Variants in NAV2 observed in about 807,000 individuals in gnomAD.
The protein encoded by NAV2 is neuron navigator 2.
In NAV2, 54 loss-of-function variants were observed where a neutral mutation model predicts 223.2. The ratio of observed to expected loss-of-function variants is 0.24; its 90% CI spans 0.19 to 0.30. The LOEUF (loss-of-function observed/expected upper bound fraction) is 0.30. Ranked by LOEUF, NAV2 falls within the 10% of genes least tolerant of loss-of-function variation. The pLI is 1.00. For synonymous variants in NAV2, 1,279 were observed against 1,239.3 expected (o/e 1.03, Z -0.67); for missense variants, 2,806 against 3,147.5 (o/e 0.89, Z 2.60).
At chr11:20,084,018 G>A (rs1404238028) in intron 26 of NAV2, among the ~76,000 whole-genome samples, 2 of 152,242 alleles carry the variant, frequency 1.3e-5, no homozygotes, top group African/African-American at 4.8e-5. Flanking sequence ...CCAGAGGCCA[G>A]ATCTTTGTAG....
chr11:20,045,774 AG>A, intron 14 of NAV2, 104 bp downstream of exon 14: 5 of 947,018 alleles, frequency 5.3e-6, no homozygotes, highest in Non-Finnish European at 7.7e-6. Context: ...TCTCCACTTT[AG>A]TCCTCCAGTA....
intron 1 of NAV2, among the ~76,000 whole-genome samples, chr11:19,675,512 G>A (rs1308574102): frequency 6.6e-6 from 1 of 152,144 alleles, no homozygotes; most frequent in Non-Finnish European, 1.5e-5. Flanking sequence ...CTCCTTCACT[G>A]TCTGTGAGCT....
At chr11:19,908,757 C>T (rs1011689169) in intron 6 of NAV2, among the ~76,000 whole-genome samples, 1 of 152,120 alleles carries the variant, frequency 6.6e-6, no homozygotes, top group African/African-American at 2.4e-5. Context: ...AAATGTCATT[C>T]TAGACACAAA....
At chr11:19,779,115 CA>C (rs1351274442) in intron 1 of NAV2, among the ~76,000 whole-genome samples, 1 of 152,148 alleles carries the variant, frequency 6.6e-6, no homozygotes, top group African/African-American at 2.4e-5. Context: ...CAACAAGGGT[CA>C]GGGGTCAGCC....
At chr11:19,625,342 A>G (rs1041330201) in intron 1 of NAV2, among the ~76,000 whole-genome samples, 3 of 152,128 alleles carry the variant, frequency 2.0e-5, no homozygotes, top group Admixed American at 6.5e-5. Flanking sequence ...CACTTGACAT[A>G]CTGTCCTCCA....
chr11:19,628,550 G>A (rs11025202), intron 1 of NAV2, among the ~76,000 whole-genome samples: 19,606 of 152,090 alleles, frequency 0.13, 3,512 homozygotes, highest in African/African-American at 0.4. Context: ...ATGCATCCAC[G>A]CTCACGTGGC....
intron 4 of NAV2, among the ~76,000 whole-genome samples, chr11:19,874,666 C>T (rs1160279428): frequency 6.6e-6 from 1 of 152,088 alleles, no homozygotes; most frequent in East Asian, 1.9e-4. Flanking sequence ...TATAGACCAC[C>T]CATGGTAGAA....
intron 1 of NAV2, among the ~76,000 whole-genome samples, chr11:19,512,175 CTCTGAGGGGTGGAAAGAGGGGAGGG>C (rs951243146): frequency 2.0e-5 from 3 of 152,074 alleles, no homozygotes; most frequent in Admixed American, 2.0e-4. Context: ...TCTGTTGGGA[CTCTGAGGGGTGGAAAGAGGGGAGGG>C]TCTGATCAAC....
At chr11:19,901,010 C>CA (rs1186333735) in intron 6 of NAV2, among the ~76,000 whole-genome samples, 8 of 152,194 alleles carry the variant, frequency 5.3e-5, no homozygotes, top group Non-Finnish European at 1.5e-5. Flanking sequence ...CATTCTTTCT[C>CA]ATTTTTTGCA....
At position 19,713,984 on chromosome 11, in the gene NAV2, G is replaced by C; in HGVS notation, c.267+22G>C. 6.2e-7 allele frequency: 1 copy of C among 1,611,934 alleles called. No individual in the cohort carries two copies. Among genetic ancestry groups the C allele is most frequent in the Non-Finnish European group, 8.5e-7 (1 of 1,179,426 alleles). On this transcript the variant is annotated intron_variant, in intron 1 of 37. Transcript: ENST00000349880. The surrounding 1 kb of genome is among the most constrained non-coding windows in gnomAD (Gnocchi z 7.2). ...CCAGGTGAGAGATGCCGTTTGCCGG[G>C]GTACTGTTCTGGAAGGATGGATGAA...
At chr11:19,942,152 G>T (rs1403332011) in intron 8 of NAV2, among the ~76,000 whole-genome samples, 2 of 152,192 alleles carry the variant, frequency 1.3e-5, no homozygotes, top group Non-Finnish European at 2.9e-5. Context: ...GTTTCCACTG[G>T]AGCTCGATTG....
chr11:19,728,227 T>C (rs2051412209), intron 1 of NAV2, among the ~76,000 whole-genome samples: 2 of 152,258 alleles, frequency 1.3e-5, no homozygotes, highest in South Asian at 2.1e-4. Flanking sequence ...GAAAGAGCAC[T>C]GTTCTTAGAG....
At position 19,576,119 on chromosome 11, in the gene NAV2, C is replaced by G. The variant is rs150649721; in HGVS notation, c.75+225092C>G. On this transcript the variant is annotated intron_variant, in intron 1 of 37. Transcript: ENST00000360655. ...AGGCCTAAGTGCCCTTTGCACACAGCCATTTGTGGAATGGGTCCTCCTCTG... is the reference window on the plus strand; with the variant it reads ...AGGCCTAAGTGCCCTTTGCACACAGGCATTTGTGGAATGGGTCCTCCTCTG... Among the ~76,000 whole-genome samples the G allele has an allele frequency of 1.8e-3, 272 of 152,042 alleles. 1 individual carries two copies. Among genetic ancestry groups the G allele is most frequent in the African/African-American group, 6.2e-3 (258 of 41,438 alleles).
intron 11 of NAV2, among the ~76,000 whole-genome samples, chr11:20,023,699 GGTGTGTGTGTGTGTGT>G (rs374769800): frequency 3.5e-5 from 5 of 144,572 alleles, no homozygotes; most frequent in East Asian, 2.1e-4. Flanking sequence ...CAAATTGCTG[GGTGTGTGTGTGTGTGT>G]GTGTGTGTGT....
chr11:19,944,729 C>T (rs1218446975), intron 8 of NAV2, among the ~76,000 whole-genome samples: 1 of 139,646 alleles, frequency 7.2e-6, no homozygotes, highest in Non-Finnish European at 1.5e-5. Context: ...TCCTTCCTTC[C>T]TTTCTGTCTC....
At chr11:19,709,061 C>T (rs556359139), upstream of NAV2, among the ~76,000 whole-genome samples, 76 of 152,160 alleles carry the variant, frequency 5.0e-4, no homozygotes, top group Admixed American at 9.2e-4. Flanking sequence ...AACACAGTAT[C>T]AGTGTGGAAG....
At chr11:19,614,040 GC>G (rs1447066080) in intron 1 of NAV2, among the ~76,000 whole-genome samples, 1 of 152,220 alleles carries the variant, frequency 6.6e-6, no homozygotes, top group East Asian at 1.9e-4. Flanking sequence ...TTCCTTCAGG[GC>G]CCCTTTCATG....
intron 10 of NAV2, among the ~76,000 whole-genome samples, chr11:19,966,259 C>T (rs747178143): frequency 3.9e-5 from 6 of 152,132 alleles, no homozygotes; most frequent in Admixed American, 6.5e-5. Flanking sequence ...TCATCTGTGG[C>T]GAATACAGTT....
At chr11:19,860,429 G>A (rs540753504) in intron 3 of NAV2, among the ~76,000 whole-genome samples, 1 of 146,920 alleles carries the variant, frequency 6.8e-6, no homozygotes, top group East Asian at 2.0e-4. Flanking sequence ...CATCTCAGAC[G>A]ATGGGTGGCC....
Sources: gnomAD v4.1 joint callset for allele counts (sites outside exome capture counted in the v4.1 genomes callset) on GRCh38, gnomAD v4.1.1 for gene constraint, Gnocchi (gnomAD v3.1) non-coding constraint, MANE v1.5 for transcripts, NCBI Gene and HGNC (gene_info 2026-07-23, HGNC 2026-07-21) for gene names.